The following ALCAM variants were observed in gnomAD, a reference collection of about 807,000 sequenced individuals.
ALCAM encodes the protein CD166 antigen.
A neutral mutation model predicts 70.9 loss-of-function variants in ALCAM; 30 were observed. The ratio of observed to expected loss-of-function variants is 0.42; its 90% CI spans 0.32 to 0.57. The LOEUF is 0.57. ALCAM is among the 20% of genes least tolerant of loss of function. The probability of loss-of-function intolerance (pLI) is 0.11; values close to 1 mark genes in which losing one functional copy is unlikely to be tolerated. For synonymous variants in ALCAM, 249 were observed against 242.5 expected, an observed-to-expected ratio of 1.03 and a Z score of -0.25; for missense variants, 591 against 695.1, an observed-to-expected ratio of 0.85 and a Z score of 1.68.
intron 1 of ALCAM, among the ~76,000 whole-genome samples, chr3:105,397,286 A>T (rs1935979058): frequency 6.6e-6 from 1 of 152,066 alleles, no homozygotes; most frequent in Non-Finnish European, 1.5e-5. Flanking sequence ...CCTTATAAAC[A>T]TTACTTTTGA....
Position 105,367,283 on chromosome 3 carries a change from T to G in ALCAM, c.-126T>G, listed in dbSNP as rs935813795. 5.6e-5 allele frequency: 48 copies of G among 858,316 alleles called. No individual in the cohort carries two copies. The highest frequency in any genetic ancestry group is 8.9e-5 in the Non-Finnish European group (48 of 541,730). The allele number at this position is 858,316 out of a possible 1,614,324, so 53.2% of individuals were successfully genotyped here. A position where few individuals can be genotyped will look rare whatever the true frequency, so the allele number is the denominator to read the frequency against. The stretch of plus-strand genomic sequence containing the variant: ...TGCAGCGCCACAGCCCAGGGGACGG[T>G]GTGTCTGGGAGAAGACGCTGCCCCT... On this transcript the variant is annotated 5_prime_UTR_variant, in exon 1 of 16. Transcript: ENST00000306107.
intron 1 of ALCAM, among the ~76,000 whole-genome samples, chr3:105,379,609 G>A (rs570936060): frequency 1.0e-3 from 153 of 151,690 alleles, no homozygotes; most frequent in African/African-American, 3.4e-3. Context: ...AAAAATTTCC[G>A]ATTGTTACAA....
At chr3:105,557,051 T>C (rs2152633116) in intron 14 of ALCAM, among the ~76,000 whole-genome samples, 1 of 152,234 alleles carries the variant, frequency 6.6e-6, no homozygotes, top group Non-Finnish European at 1.5e-5. Context: ...TATAGTATTT[T>C]CAAATCTATT....
rs377151048 is a variant in ALCAM at position 105,403,919 on chromosome 3, C to T, written c.73+36438C>T. 2.7e-4 allele frequency among the ~76,000 whole-genome samples: 41 copies of T among 150,974 alleles called. 2 individuals are homozygous for T. Among genetic ancestry groups the T allele is most frequent in the African/African-American group, 9.5e-4 (39 of 41,098 alleles). On this transcript the variant is annotated intron_variant, in intron 1 of 15. Coordinates refer to ENST00000306107, the MANE Select transcript of ALCAM (RefSeq NM_001627.4). Reference sequence around the variant, plus strand: ...AATCACAACTTCTAGAAATCAAGGACACACTTAGAGAAATGCAAAATGTAC... The same window carrying T: ...AATCACAACTTCTAGAAATCAAGGATACACTTAGAGAAATGCAAAATGTAC...
At chr3:105,390,587 A>G (rs1282687617) in intron 1 of ALCAM, among the ~76,000 whole-genome samples, 2 of 152,010 alleles carry the variant, frequency 1.3e-5, no homozygotes, top group Non-Finnish European at 2.9e-5. Context: ...TGCTGTGCAG[A>G]AGCTGTTCAG....
chr3:105,507,178 G>C (rs1247017841), intron 1 of ALCAM, among the ~76,000 whole-genome samples: 1 of 152,008 alleles, frequency 6.6e-6, no homozygotes, highest in Non-Finnish European at 1.5e-5. Context: ...GCAATTCCCT[G>C]CCTCCCCACC....
intron 1 of ALCAM, 92 bp downstream of exon 1, chr3:105,367,573 C>T (rs1021295019): frequency 1.4e-6 from 2 of 1,461,984 alleles, no homozygotes; most frequent in Admixed American, 1.8e-5. Flanking sequence ...CGAGGCAGTG[C>T]GCCCAGGCGC....
intron 1 of ALCAM, among the ~76,000 whole-genome samples, chr3:105,409,223 T>C (rs1310219934): frequency 6.6e-6 from 1 of 152,084 alleles, no homozygotes; most frequent in Non-Finnish European, 1.5e-5. Context: ...AAAGAAGTCA[T>C]ATGAAAAAGA....
chr3:105,400,483 G>C (rs1433123928), intron 1 of ALCAM, among the ~76,000 whole-genome samples: 1 of 152,116 alleles, frequency 6.6e-6, no homozygotes, highest in African/African-American at 2.4e-5. Flanking sequence ...TGAGCATAAT[G>C]TATCATTTGC....
chr3:105,513,390 C>G (rs1166300034), intron 1 of ALCAM: 1 of 151,790 alleles, frequency 6.6e-6, no homozygotes, highest in Non-Finnish European at 1.5e-5. Context: ...TACTTTTTTC[C>G]ATCTATATTA....
intron 6 of ALCAM, among the ~76,000 whole-genome samples, chr3:105,535,163 TG>T (rs1385463709): frequency 6.6e-6 from 1 of 152,182 alleles, no homozygotes; most frequent in Non-Finnish European, 1.5e-5. Context: ...AGACTTTAAC[TG>T]GCTTTCTAAA....
chr3:105,521,896 T>C (rs1939554528), intron 2 of ALCAM, among the ~76,000 whole-genome samples: 1 of 152,164 alleles, frequency 6.6e-6, no homozygotes, highest in African/African-American at 2.4e-5. Context: ...ATTTCTGGTT[T>C]CCTATAAATG....
At chr3:105,390,630 T>C (rs1488984074) in intron 1 of ALCAM, among the ~76,000 whole-genome samples, 5 of 152,164 alleles carry the variant, frequency 3.3e-5, no homozygotes, top group Non-Finnish European at 7.4e-5. Flanking sequence ...ATTTTTGCCT[T>C]TGTTGCCACT....
chr3:105,557,529 T>C (rs1940545336), intron 14 of ALCAM, among the ~76,000 whole-genome samples: 1 of 152,144 alleles, frequency 6.6e-6, no homozygotes, highest in Non-Finnish European at 1.5e-5. Flanking sequence ...CGTTTCATTT[T>C]TTTAAAAAAG....
intron 1 of ALCAM, among the ~76,000 whole-genome samples, chr3:105,487,225 T>A (rs1350418141): frequency 1.3e-5 from 2 of 152,092 alleles, no homozygotes; most frequent in Non-Finnish European, 2.9e-5. Context: ...CCCATTCTAT[T>A]CTCCCATCTA....
chr3:105,481,104 T>C (rs958783656), intron 1 of ALCAM, among the ~76,000 whole-genome samples: 1 of 152,038 alleles, frequency 6.6e-6, no homozygotes, highest in African/African-American at 2.4e-5. Flanking sequence ...TTTACAAAAA[T>C]AGGAACCATC....
intron 1 of ALCAM, among the ~76,000 whole-genome samples, chr3:105,398,383 T>G (rs888516010): frequency 6.6e-6 from 1 of 152,132 alleles, no homozygotes; most frequent in Non-Finnish European, 1.5e-5. Flanking sequence ...CTTAAATTAC[T>G]GAGAAATTTA....
At chr3:105,495,532 A>G (rs988012118) in intron 1 of ALCAM, among the ~76,000 whole-genome samples, 8 of 152,244 alleles carry the variant, frequency 5.3e-5, no homozygotes, top group African/African-American at 1.9e-4. Flanking sequence ...TGACATATTT[A>G]AACTCAGGCA....
At chr3:105,399,974 C>T (rs1936048860) in intron 1 of ALCAM, among the ~76,000 whole-genome samples, 1 of 152,148 alleles carries the variant, frequency 6.6e-6, no homozygotes, top group African/African-American at 2.4e-5. Flanking sequence ...TTACCCCATC[C>T]CTGACTATCA....
Sources: allele counts gnomAD v4.1 joint callset (sites outside exome capture counted in the v4.1 genomes callset), GRCh38; gene constraint gnomAD v4.1.1; transcripts MANE v1.5; gene names NCBI Gene and HGNC (gene_info 2026-07-23, HGNC 2026-07-21).